The following NBEA variants were observed in gnomAD, a reference collection of about 807,000 sequenced individuals.
NBEA encodes the protein neurobeachin.
A neutral mutation model predicts 343.4 loss-of-function variants in NBEA; 44 were observed. The ratio of observed to expected loss-of-function variants is 0.13; its 90% CI spans 0.10 to 0.16. NBEA has a LOEUF of 0.16. Ranked by LOEUF, NBEA falls within the 10% of genes least tolerant of loss-of-function variation. The pLI is 1.00. For synonymous variants in NBEA, 1,175 were observed against 1,238.7 expected, an observed-to-expected ratio of 0.95 and a Z score of 1.08; for missense variants, 2,555 against 3,631.3, an observed-to-expected ratio of 0.70 and a Z score of 7.62.
chr13:35,121,582 A>G (rs922915904), intron 16 of NBEA, among the ~76,000 whole-genome samples: 4 of 151,638 alleles, frequency 2.6e-5, no homozygotes, highest in Admixed American at 6.6e-5. Flanking sequence ...ATTTCAGTGT[A>G]AACCCATACA....
chr13:35,029,946 C>T (rs1031273440), intron 1 of NBEA, among the ~76,000 whole-genome samples: 13 of 151,562 alleles, frequency 8.6e-5, no homozygotes, highest in African/African-American at 2.4e-4. Context: ...TCTCTAACAG[C>T]GGTAGTACCT....
intron 46 of NBEA, among the ~76,000 whole-genome samples, chr13:35,585,132 A>AAAAAAAAAAAAAAAAAG (rs2081241614): frequency 1.3e-4 from 1 of 7,848 alleles, no homozygotes; most frequent in African/African-American, 4.4e-4. Context: ...CACTGACCTT[A>AAAAAAAAAAAAAAAAAG]AAAAAAAAAA....
chr13:35,330,987 T>G (rs1340039216), intron 36 of NBEA, among the ~76,000 whole-genome samples: 2 of 152,048 alleles, frequency 1.3e-5, no homozygotes, highest in African/African-American at 4.8e-5. Context: ...AGTAGCATAA[T>G]TCATAGCTAA....
chr13:35,462,484 G>A (rs9544407), intron 40 of NBEA, among the ~76,000 whole-genome samples: 47,567 of 151,980 alleles, frequency 0.31, 8,785 homozygotes, highest in African/African-American at 0.51. Flanking sequence ...TACTTAGGTA[G>A]AAAGCATGAG....
At chr13:35,598,054 T>C (rs2081888773) in intron 47 of NBEA, among the ~76,000 whole-genome samples, 1 of 152,206 alleles carries the variant, frequency 6.6e-6, no homozygotes, top group Non-Finnish European at 1.5e-5. Flanking sequence ...CCAGTATTTG[T>C]ATCAGACTGA....
At chr13:35,226,116 G>A (rs1455245701) in intron 33 of NBEA, among the ~76,000 whole-genome samples, 3 of 152,090 alleles carry the variant, frequency 2.0e-5, no homozygotes, top group African/African-American at 7.2e-5. Flanking sequence ...TAAATAAGTG[G>A]CAGTGGAAGA....
intron 55 of NBEA, among the ~76,000 whole-genome samples, chr13:35,662,287 A>T (rs1340211095): frequency 6.6e-6 from 1 of 152,206 alleles, no homozygotes; most frequent in Non-Finnish European, 1.5e-5. Flanking sequence ...TCATTCCAGC[A>T]CACGGTGAGT....
chr13:35,350,155 T>C (rs2040109188), intron 37 of NBEA, among the ~76,000 whole-genome samples: 2 of 152,180 alleles, frequency 1.3e-5, no homozygotes, highest in Admixed American at 6.6e-5. Context: ...GAGTCTCTTG[T>C]ATTTCCACTA....
intron 41 of NBEA, among the ~76,000 whole-genome samples, chr13:35,518,119 A>G (rs1206354674): frequency 1.3e-5 from 2 of 152,096 alleles, no homozygotes; most frequent in East Asian, 3.9e-4. Context: ...TTAATTCCGG[A>G]TATATGGAGG....
At chr13:35,615,708 C>T (rs934458758) in intron 48 of NBEA, among the ~76,000 whole-genome samples, 1 of 152,120 alleles carries the variant, frequency 6.6e-6, no homozygotes, top group African/African-American at 2.4e-5. Context: ...TTCTTATTCA[C>T]AGTCTCCAGG....
At chr13:35,413,204 G>T (rs2043695759) in intron 38 of NBEA, among the ~76,000 whole-genome samples, 2 of 152,086 alleles carry the variant, frequency 1.3e-5, no homozygotes, top group Non-Finnish European at 2.9e-5. Flanking sequence ...ATTTTAAAAT[G>T]TGTATTGAAG....
intron 41 of NBEA, among the ~76,000 whole-genome samples, chr13:35,502,836 T>TC (rs2076939445): frequency 6.6e-6 from 1 of 152,076 alleles, no homozygotes; most frequent in African/African-American, 2.4e-5. Context: ...TAACACAGCT[T>TC]CCCTCCATAG....
intron 34 of NBEA, among the ~76,000 whole-genome samples, chr13:35,246,705 A>G (rs952830566): frequency 1.3e-4 from 20 of 151,938 alleles, no homozygotes; most frequent in African/African-American, 4.6e-4. Flanking sequence ...AGTGAAATGT[A>G]CTCTCTGAAG....
intron 34 of NBEA, among the ~76,000 whole-genome samples, chr13:35,268,679 A>T (rs902846784): frequency 6.6e-6 from 1 of 152,096 alleles, no homozygotes; most frequent in Non-Finnish European, 1.5e-5. Flanking sequence ...GCCTCTGAAC[A>T]TTATCATTTT....
At chr13:35,397,714 C>T (rs1171617474) in intron 38 of NBEA, among the ~76,000 whole-genome samples, 1 of 152,120 alleles carries the variant, frequency 6.6e-6, no homozygotes, top group East Asian at 1.9e-4. Flanking sequence ...TCCGAGTTTA[C>T]ACTATACAGA....
chr13:35,174,854 A>G (rs999322477), intron 27 of NBEA, among the ~76,000 whole-genome samples: 8 of 150,176 alleles, frequency 5.3e-5, no homozygotes, highest in Non-Finnish European at 1.2e-4. Flanking sequence ...GTGGAGTGGC[A>G]TGATCTCGGC....
intron 41 of NBEA, among the ~76,000 whole-genome samples, chr13:35,482,164 A>AT (rs1055497433): frequency 2.0e-5 from 3 of 151,324 alleles, no homozygotes; most frequent in Admixed American, 1.3e-4. Context: ...AGTAAGATTT[A>AT]TTTTTTTTAA....
rs748057972 is a variant in NBEA, at chr13:35,118,371, A to C, written c.2146-6A>C. ...AATTTTAAATCAACATTGGTGATTT[A>C]TGCAGGATGAAAATATTCATGATGT... On this transcript the variant is annotated splice_region_variant and splice_polypyrimidine_tract_variant and intron_variant, in intron 15 of 58. Transcript: ENST00000379939. 35 of 1,598,996 alleles carry C rather than the reference A, an allele frequency of 2.2e-5. No homozygotes were observed. Among genetic ancestry groups the C allele is most frequent in the Non-Finnish European group, 2.9e-5 (34 of 1,172,362 alleles).
chr13:35,244,510 A>T (rs965685238), intron 34 of NBEA, among the ~76,000 whole-genome samples: 2 of 151,986 alleles, frequency 1.3e-5, no homozygotes, highest in Non-Finnish European at 2.9e-5. Flanking sequence ...TGTTTTCGTG[A>T]CTATGGCCTT....
Sources: allele counts gnomAD v4.1 joint callset (sites outside exome capture counted in the v4.1 genomes callset), GRCh38; gene constraint gnomAD v4.1.1; transcripts MANE v1.5; gene names NCBI Gene and HGNC (gene_info 2026-07-23, HGNC 2026-07-21).